The following CADM1 variants were observed in gnomAD, a reference collection of about 807,000 sequenced individuals.
CADM1 encodes cell adhesion molecule 1, also known as TSLC-1.
Under a neutral mutation model 53.1 loss-of-function variants are expected in CADM1, and 15 were observed. The ratio of observed to expected loss-of-function variants is 0.28; its 90% confidence interval spans 0.19 to 0.44. The LOEUF (loss-of-function observed/expected upper bound fraction) is 0.44, where lower values mean the gene tolerates loss of function less well. CADM1 is among the 20% of genes least tolerant of loss of function. The probability of loss-of-function intolerance (pLI) is 1.00; values close to 1 mark genes in which losing one functional copy is unlikely to be tolerated. For missense variants in CADM1, 434 were observed against 611.3 expected, an observed-to-expected ratio of 0.71 and a Z score of 3.06; for synonymous variants, 281 against 243.0, an observed-to-expected ratio of 1.16 and a Z score of -1.45.
intron 1 of CADM1, among the ~76,000 whole-genome samples, chr11:115,498,392 G>A (rs530989328): frequency 6.6e-6 from 1 of 152,274 alleles, no homozygotes; most frequent in Admixed American, 6.5e-5. Context: ...TATACGAATG[G>A]GGTATCTCAT....
chr11:115,217,248 T>G (rs1207289662), intron 6 of CADM1, among the ~76,000 whole-genome samples: 4 of 152,188 alleles, frequency 2.6e-5, no homozygotes, highest in African/African-American at 4.8e-5. Context: ...CAAATTCACT[T>G]TGGATCATTT....
intron 10 of CADM1, among the ~76,000 whole-genome samples, chr11:115,181,840 G>A (rs530511205): frequency 2.6e-5 from 4 of 152,312 alleles, no homozygotes; most frequent in East Asian, 1.9e-4. Flanking sequence ...CTGCACCTGC[G>A]GGCTGTGCCT....
chr11:115,187,724 A>C lies in CADM1; in HGVS notation c.1165+3164T>G, dbSNP rs189790740. 5.9e-3 allele frequency among the ~76,000 whole-genome samples: 893 copies of C among 152,292 alleles called. 6 individuals carry two copies. Among genetic ancestry groups the C allele is most frequent in the Non-Finnish European group, 0.01 (704 of 68,030 alleles). On this transcript the variant is annotated intron_variant, in intron 10 of 11. Coordinates refer to ENST00000331581, the MANE Select transcript of CADM1 (RefSeq NM_001301043.2). ...CCAAAGTGCTGGGATTACAGGTGTG[A>C]GCCATCGCGCCCAGCTAAATATAGG...
chr11:115,336,455 G>A (rs942339655), intron 1 of CADM1, among the ~76,000 whole-genome samples: 5 of 152,060 alleles, frequency 3.3e-5, no homozygotes, highest in Non-Finnish European at 7.4e-5. Flanking sequence ...AAATAAAACC[G>A]ACTGCCACAT....
At chr11:115,276,488 G>A (rs958341658) in intron 1 of CADM1, among the ~76,000 whole-genome samples, 23 of 152,166 alleles carry the variant, frequency 1.5e-4, no homozygotes, top group Non-Finnish European at 3.2e-4. Context: ...AGACAAAGCG[G>A]CGTGGAGACA....
At chr11:115,306,377 T>C (rs948360137) in intron 1 of CADM1, among the ~76,000 whole-genome samples, 1 of 152,026 alleles carries the variant, frequency 6.6e-6, no homozygotes, top group Non-Finnish European at 1.5e-5. Context: ...CTCAGTGATG[T>C]TCACACAATG....
chr11:115,454,412 C>A (rs1948641837), intron 1 of CADM1, among the ~76,000 whole-genome samples: 2 of 152,158 alleles, frequency 1.3e-5, no homozygotes, highest in South Asian at 2.1e-4. Flanking sequence ...CCAGGTAAAT[C>A]AAAATGGAAG....
chr11:115,485,120 C>T (rs1949345714), intron 1 of CADM1, among the ~76,000 whole-genome samples: 1 of 152,168 alleles, frequency 6.6e-6, no homozygotes, highest in South Asian at 2.1e-4. Context: ...TTCTTCTGCA[C>T]CTTGGTTAAC....
chr11:115,307,169 A>G (rs1280137827), intron 1 of CADM1, among the ~76,000 whole-genome samples: 1 of 151,986 alleles, frequency 6.6e-6, no homozygotes, highest in Non-Finnish European at 1.5e-5. Context: ...GGCAAACTTA[A>G]GTTTCCACAT....
intron 1 of CADM1, among the ~76,000 whole-genome samples, chr11:115,268,503 C>T (rs1004314009): frequency 6.6e-6 from 1 of 152,076 alleles, no homozygotes; most frequent in Non-Finnish European, 1.5e-5. Context: ...AGGAAAAGGG[C>T]CACAGAAGTT....
intron 1 of CADM1, among the ~76,000 whole-genome samples, chr11:115,257,953 C>A (rs535778938): frequency 6.6e-6 from 1 of 152,318 alleles, no homozygotes; most frequent in East Asian, 1.9e-4. Context: ...GATGCTGACA[C>A]TGCTGATCCA....
intron 1 of CADM1, among the ~76,000 whole-genome samples, chr11:115,400,593 C>CTTTTATATATATAATATATATATATA (rs1451585453): frequency 2.8e-4 from 30 of 105,738 alleles, no homozygotes; most frequent in South Asian, 3.1e-4. Context: ...ATATATATAT[C>CTTTTATATATATAATATATATATATA]TCTCATATAT....
At chr11:115,306,139 A>G (rs1379412016) in intron 1 of CADM1, among the ~76,000 whole-genome samples, 1 of 146,138 alleles carries the variant, frequency 6.8e-6, no homozygotes, top group Non-Finnish European at 1.5e-5. Flanking sequence ...GTTTTGGTCA[A>G]TGATGGACTG....
Position 115,234,821 on chromosome 11 carries a change from A to G in CADM1, c.425-3331T>C, listed in dbSNP as rs191522137. Among the ~76,000 whole-genome samples, 565 of 133,854 alleles carry G rather than the reference A, an allele frequency of 4.2e-3. 4 individuals are homozygous for G. The highest frequency in any genetic ancestry group is 0.015 in the African/African-American group (516 of 35,464). The allele number at this position is 133,854 out of a possible 152,430, so 87.8% of individuals were successfully genotyped here. ...GGGAGGAAAATCACTTGAACTCAGG[A>G]GGCGGAGGTTGAAGTGAGTCAAGAT... On this transcript the variant is annotated intron_variant, in intron 3 of 11. Transcript: ENST00000331581.
rs1939027994 is a variant in CADM1 at position 115,176,333 on chromosome 11, C to A, written c.*141G>T. ...GAACATTTTTTTTTTTTTTACACAG[C>A]AAATCCCAAGCCTTCCCAGTCTCAC... On this transcript the variant is annotated 3_prime_UTR_variant, in exon 12 of 12. Transcript: ENST00000331581. 15 of 1,541,020 alleles carry A rather than the reference C, an allele frequency of 9.7e-6. No individual in the cohort carries two copies. Among genetic ancestry groups the A allele is most frequent in the Admixed American group, 1.9e-5 (1 of 53,178 alleles).
At chr11:115,348,620 T>C (rs1945645149) in intron 1 of CADM1, among the ~76,000 whole-genome samples, 1 of 152,166 alleles carries the variant, frequency 6.6e-6, no homozygotes, top group Admixed American at 6.6e-5. Context: ...AGAGACTGTG[T>C]AGAGGAGTAT....
At chr11:115,342,027 A>G (rs2135247669) in intron 1 of CADM1, among the ~76,000 whole-genome samples, 2 of 152,280 alleles carry the variant, frequency 1.3e-5, no homozygotes, top group East Asian at 3.9e-4. Context: ...AAAATTCTAT[A>G]AATTCATAAA....
chr11:115,209,930 C>A (rs145107263), intron 7 of CADM1, among the ~76,000 whole-genome samples: 1 of 152,102 alleles, frequency 6.6e-6, no homozygotes. Flanking sequence ...TCAAAACATA[C>A]GACACCCCTC....
At chr11:115,195,405 ATTT>A (rs1274337542) in intron 9 of CADM1, among the ~76,000 whole-genome samples, 3 of 152,246 alleles carry the variant, frequency 2.0e-5, no homozygotes, top group African/African-American at 7.2e-5. Flanking sequence ...AGCTTTAAAA[ATTT>A]TTATTTTTTC....
Sources: allele counts gnomAD v4.1 joint callset (sites outside exome capture counted in the v4.1 genomes callset), GRCh38; gene constraint gnomAD v4.1.1; transcripts MANE v1.5; gene names NCBI Gene and HGNC (gene_info 2026-07-23, HGNC 2026-07-21).